CRTAC1: variants seen among roughly 807,000 people sequenced by gnomAD.
CRTAC1 encodes the protein cartilage acidic protein 1, also known as acidic secreted protein in cartilage.
Under a neutral mutation model 67.8 loss-of-function variants are expected in CRTAC1, and 37 were observed. The observed-to-expected ratio is 0.55, with a 90% CI of 0.42 to 0.72. The LOEUF is 0.72. Among genes scored for constraint, CRTAC1 ranks in the 30% least tolerant of loss-of-function variants. CRTAC1 has a pLI of 0.00. For synonymous variants in CRTAC1, 348 were observed against 371.0 expected (o/e 0.94, Z 0.71); for missense variants, 780 against 931.6 (o/e 0.84, Z 2.12).
intron 1 of CRTAC1, among the ~76,000 whole-genome samples, chr10:98,020,538 A>G (rs987248534): frequency 1.3e-5 from 2 of 152,252 alleles, no homozygotes; most frequent in African/African-American, 2.4e-5. Context: ...CTTCAGCACC[A>G]TACTGAATAG....
chr10:97,989,359 A>G lies in CRTAC1; in HGVS notation c.224+21779T>C, dbSNP rs186933441. Among the ~76,000 whole-genome samples, 210 of 152,324 alleles carry G rather than the reference A, an allele frequency of 1.4e-3. 2 individuals are homozygous for G. Among genetic ancestry groups the G allele is most frequent in the African/African-American group, 4.5e-3 (188 of 41,580 alleles). On this transcript the variant is annotated intron_variant, in intron 2 of 14. Transcript: ENST00000370597. ...TTGTTAGGTGATTTTGTCTTTGTGCAAACATCATAGTGTGTACTTACACAA... is the reference window on the plus strand; with the variant it reads ...TTGTTAGGTGATTTTGTCTTTGTGCGAACATCATAGTGTGTACTTACACAA...
Position 98,023,677 on chromosome 10 carries a change from C to T in CRTAC1, c.24+6772G>A, listed in dbSNP as rs112738983. On this transcript the variant is annotated intron_variant, in intron 1 of 14. Coordinates refer to ENST00000370597, the MANE Select transcript of CRTAC1 (RefSeq NM_018058.7). Reference sequence around the variant, plus strand: ...GCCACCCCTTAGAGGAAGAGACTGCCGGTGACGGAAAGAGCCTGCCACCCA... The same window carrying T: ...GCCACCCCTTAGAGGAAGAGACTGCTGGTGACGGAAAGAGCCTGCCACCCA... Among the ~76,000 whole-genome samples, 80 of 152,268 alleles carry T rather than the reference C, an allele frequency of 5.3e-4. 2 individuals carry two copies. Among genetic ancestry groups the T allele is most frequent in the African/African-American group, 1.9e-3 (78 of 41,542 alleles).
At chr10:97,974,169 A>G (rs578055162) in intron 2 of CRTAC1, among the ~76,000 whole-genome samples, 1 of 152,102 alleles carries the variant, frequency 6.6e-6, no homozygotes, top group South Asian at 2.1e-4. Flanking sequence ...GTTTTCTCTT[A>G]AGTCACAACT....
At chr10:97,894,711 CATAT>C (rs66795716) in intron 11 of CRTAC1, among the ~76,000 whole-genome samples, 66 of 59,914 alleles carry the variant, frequency 1.1e-3, no homozygotes, top group East Asian at 2.2e-3. Flanking sequence ...GATGCTTTTA[CATAT>C]ATATATATAT....
intron 2 of CRTAC1, among the ~76,000 whole-genome samples, chr10:97,996,872 G>A (rs926386825): frequency 5.3e-5 from 8 of 151,972 alleles, no homozygotes; most frequent in African/African-American, 1.9e-4. Flanking sequence ...AAGAAAATAT[G>A]GCACATATAC....
At chr10:97,869,077 A>G (rs2050061362) in intron 14 of CRTAC1, 1 of 152,290 alleles carries the variant, frequency 6.6e-6, no homozygotes, top group East Asian at 1.9e-4. Flanking sequence ...ACTGCAAGGA[A>G]GAAGACAGAT....
chr10:97,896,708 T>A (rs1389270048), intron 9 of CRTAC1, among the ~76,000 whole-genome samples: 1 of 152,052 alleles, frequency 6.6e-6, no homozygotes, highest in African/African-American at 2.4e-5. Context: ...TGGACCATCC[T>A]CTCCTCTGCT....
chr10:97,873,335 C>T (rs530041300), intron 14 of CRTAC1, among the ~76,000 whole-genome samples: 1 of 152,284 alleles, frequency 6.6e-6, no homozygotes, highest in African/African-American at 2.4e-5. Flanking sequence ...ACACCTTCTG[C>T]AGTGGGAGGA....
At chr10:97,898,223 G>A (rs947097604) in intron 8 of CRTAC1, among the ~76,000 whole-genome samples, 2 of 152,208 alleles carry the variant, frequency 1.3e-5, no homozygotes, top group Non-Finnish European at 1.5e-5. Context: ...CGGGCCCTGC[G>A]TGAGGTATGG....
intron 4 of CRTAC1, among the ~76,000 whole-genome samples, chr10:97,921,088 T>C (rs945575425): frequency 6.6e-6 from 1 of 151,980 alleles, no homozygotes; most frequent in African/African-American, 2.4e-5. Flanking sequence ...TCAGCATGCA[T>C]TGGAGTCACC....
At chr10:97,915,737 G>C (rs2050750919) in intron 5 of CRTAC1, among the ~76,000 whole-genome samples, 1 of 152,174 alleles carries the variant, frequency 6.6e-6, no homozygotes, top group African/African-American at 2.4e-5. Context: ...GCAGGGAAAG[G>C]GTGGGCTGGA....
chr10:97,884,537 CCTGT>C, intron 11 of CRTAC1, 186 bp from the exon 12 acceptor site: 3 of 607,874 alleles, frequency 4.9e-6, no homozygotes, highest in East Asian at 2.8e-5. Flanking sequence ...GTCCAATAGA[CCTGT>C]CTGTCTGCAA....
chr10:97,987,357 C>T (rs2051998721), intron 2 of CRTAC1, among the ~76,000 whole-genome samples: 2 of 152,170 alleles, frequency 1.3e-5, no homozygotes, highest in Admixed American at 1.3e-4. Context: ...CTCTAGGCCT[C>T]CCTTCCTTTA....
rs190660162 is a variant in CRTAC1 at position 97,945,991 on chromosome 10, A to G, written c.225-9625T>C. 1.1e-3 allele frequency among the ~76,000 whole-genome samples: 174 copies of G among 152,366 alleles called. 1 individual carries two copies. Among genetic ancestry groups the G allele is most frequent in the African/African-American group, 3.8e-3 (160 of 41,590 alleles). ...TATTTTCATGAGCATAGAGGCACAC[A>G]GAAGGCAGGGACTATCCTATGCAGC... On this transcript the variant is annotated intron_variant, in intron 2 of 14. Transcript: ENST00000370597.
intron 2 of CRTAC1, among the ~76,000 whole-genome samples, chr10:97,946,369 C>T (rs2051263711): frequency 1.3e-5 from 2 of 152,206 alleles, no homozygotes; most frequent in Admixed American, 6.5e-5. Flanking sequence ...CTATGGACCT[C>T]ATTCTCTCAC....
At chr10:97,922,461 C>T (rs937732902) in intron 4 of CRTAC1, among the ~76,000 whole-genome samples, 3 of 152,196 alleles carry the variant, frequency 2.0e-5, no homozygotes, top group Non-Finnish European at 4.4e-5. Context: ...CTGTGGCAGC[C>T]GGGCAGCAGC....
In CRTAC1 at chr10:97,895,294, C is replaced by G; in HGVS notation, c.1437G>C (p.Gly479=). 6.2e-7 allele frequency: 1 copy of G among 1,613,654 alleles called. No homozygotes were observed. The change falls in exon 11 of 15, where the codon GGG becomes GGC. Residue 479 remains glycine, a synonymous_variant. Transcript: ENST00000370597. This position sits in a 1 kb window ranked among gnomAD's most constrained non-coding sequence, Gnocchi z 4.2. The stretch of plus-strand genomic sequence containing the variant: ...CCATCTCACACAGGTAGCCTGAGCC[C>G]CCGTCGATGATCCTCAGGTGGGCCC... The part of the protein sequence containing the change: ...KSGAHLRIID[G]GSGYLCEMEP...
rs1397186626 is a variant in CRTAC1, at chr10:97,975,088, G to A, written c.224+36050C>T. On this transcript the variant is annotated intron_variant, in intron 2 of 14. Transcript: ENST00000370597. This position sits in a 1 kb window ranked among gnomAD's most constrained non-coding sequence, Gnocchi z 4.8. ...CGGGTGGCGGTGGAGGGCCGGCCCG[G>A]GAGGAGCGGCGGAGGGGCCGGAGCC... Among the ~76,000 whole-genome samples, 2 of 152,140 alleles carry A rather than the reference G, an allele frequency of 1.3e-5. No homozygotes were observed. Among genetic ancestry groups the A allele is most frequent in the African/African-American group, 4.8e-5 (2 of 41,436 alleles).
At chr10:98,017,826 C>T (rs1022118789) in intron 1 of CRTAC1, among the ~76,000 whole-genome samples, 2 of 151,650 alleles carry the variant, frequency 1.3e-5, no homozygotes, top group African/African-American at 2.4e-5. Context: ...TGTGAGCCAT[C>T]GTATCTGCTA....
Sources: gnomAD v4.1 joint callset for allele counts (sites outside exome capture counted in the v4.1 genomes callset) on GRCh38, gnomAD v4.1.1 for gene constraint, Gnocchi (gnomAD v3.1) non-coding constraint, MANE v1.5 for transcripts, NCBI Gene and HGNC (gene_info 2026-07-23, HGNC 2026-07-21) for gene names.